Variants in GALNT9 observed in about 807,000 individuals in gnomAD.
The protein encoded by GALNT9 is polypeptide N-acetylgalactosaminyltransferase 9, also known as GalNAc transferase 9.
GALNT9 carries 47 observed loss-of-function variants against 63.1 expected under a neutral mutation model. The ratio of observed to expected loss-of-function variants is 0.75; its 90% confidence interval spans 0.59 to 0.95. The LOEUF is 0.95. Among genes scored for constraint, GALNT9 ranks in the 40% least tolerant of loss-of-function variants. The pLI is 0.00. For missense variants in GALNT9, 829 were observed against 874.8 expected (o/e 0.95, Z 0.66); for synonymous variants, 396 against 365.7 (o/e 1.08, Z -0.94).
Position 132,231,010 on chromosome 12 carries a change from GT to G in GALNT9, c.1077+16899del, listed in dbSNP as rs1593073737. On this transcript the variant is annotated intron_variant, in intron 6 of 10. Transcript: ENST00000328957. ...GGAGTGACAGAGGAGACAGCGTGGA[GT>G]CCCTAGTGCCACACACTCGATGGGG... Among the ~76,000 whole-genome samples the G allele has an allele frequency of 5.5e-3, 794 of 144,968 alleles. 9 individuals carry two copies. Among genetic ancestry groups the G allele is most frequent in the African/African-American group, 0.018 (711 of 39,502 alleles).
intron 6 of GALNT9, among the ~76,000 whole-genome samples, chr12:132,213,744 G>A (rs957318969): frequency 6.6e-6 from 1 of 152,248 alleles, no homozygotes. Flanking sequence ...GGCCCACTGT[G>A]GCCTCTGCAT....
In GALNT9 at chr12:132,262,674, C is replaced by T. The variant is rs917436267; in HGVS notation, c.420-49G>A. 3.0e-5 allele frequency: 44 copies of T among 1,452,596 alleles called. 2 individuals are homozygous for T. In the African/African-American group the frequency reaches 6.0e-4, roughly 20 times the overall value. 90.0% of individuals were successfully genotyped at this position (1,452,596 alleles called of 1,614,324 possible). On this transcript the variant is annotated intron_variant, in intron 2 of 10. Coordinates refer to ENST00000328957, the MANE Select transcript of GALNT9 (RefSeq NM_001122636.2). The stretch of plus-strand genomic sequence containing the variant: ...GCGGTCAGGGCGCAGCATGAGGGAC[C>T]CCGGAAGCCATAGCTCATCTGTCTG...
At chr12:132,292,480 C>T (rs909645932) in intron 1 of GALNT9, among the ~76,000 whole-genome samples, 15 of 152,366 alleles carry the variant, frequency 9.8e-5, no homozygotes, top group Admixed American at 3.9e-4. Flanking sequence ...TCTCTGACTC[C>T]CTCGAGGGCC....
At chr12:132,254,626 G>A (rs1879045796) in intron 5 of GALNT9, among the ~76,000 whole-genome samples, 2 of 152,242 alleles carry the variant, frequency 1.3e-5, no homozygotes, top group Non-Finnish European at 2.9e-5. Context: ...CCTCCAGGGT[G>A]AGTTTTGACA....
At chr12:132,283,757 C>CT (rs375713340) in intron 2 of GALNT9, 1 of 152,232 alleles carries the variant, frequency 6.6e-6, no homozygotes, top group Non-Finnish European at 1.5e-5. Context: ...GGACCCCCCC[C>CT]CAGGAGGGGA....
At chr12:132,312,639 T>C (rs1566022114) in intron 1 of GALNT9, among the ~76,000 whole-genome samples, 1 of 152,178 alleles carries the variant, frequency 6.6e-6, no homozygotes, top group Non-Finnish European at 1.5e-5. Context: ...AGCCCAGCCT[T>C]GAGGGTCAAA....
chr12:132,314,640 A>C (rs1335182564), intron 1 of GALNT9, among the ~76,000 whole-genome samples: 2 of 152,234 alleles, frequency 1.3e-5, no homozygotes, highest in African/African-American at 4.8e-5. Context: ...TGCACCTTAG[A>C]GAGCAGAGAG....
chr12:132,290,239 C>T (rs1379710065), intron 1 of GALNT9, among the ~76,000 whole-genome samples: 2 of 152,116 alleles, frequency 1.3e-5, no homozygotes, highest in Non-Finnish European at 2.9e-5. Flanking sequence ...GTGCCTGCCC[C>T]GTCTGCCCTC....
rs1555245937 is a variant in GALNT9 at position 132,319,281 on chromosome 12, A to G, written c.238+9685T>C. 2.0e-5 allele frequency among the ~76,000 whole-genome samples: 3 copies of G among 152,024 alleles called. No individual in the cohort carries two copies. The highest frequency in any genetic ancestry group is 4.4e-5 in the Non-Finnish European group (3 of 67,986). ...TCTGTCCTCCCCAGTGCAGACAGGG[A>G]TCAGCCCCTTCTCGGAGGCCCGGCT... On this transcript the variant is annotated intron_variant, in intron 1 of 10. Coordinates refer to ENST00000328957, the MANE Select transcript of GALNT9 (RefSeq NM_001122636.2). This position sits in a 1 kb window ranked among gnomAD's most constrained non-coding sequence, Gnocchi z 5.2.
chr12:132,314,668 C>T (rs549028867), intron 1 of GALNT9, among the ~76,000 whole-genome samples: 1 of 152,236 alleles, frequency 6.6e-6, no homozygotes, highest in African/African-American at 2.4e-5. Context: ...TGCTGCCCCC[C>T]TGCCTGACTG....
At chr12:132,281,319 T>C (rs991723556) in intron 2 of GALNT9, among the ~76,000 whole-genome samples, 40 of 152,170 alleles carry the variant, frequency 2.6e-4, no homozygotes, top group Admixed American at 7.2e-4. Context: ...CCTCAGAGAC[T>C]GTGGGCAGGG....
intron 6 of GALNT9, among the ~76,000 whole-genome samples, chr12:132,213,845 A>C (rs958886971): frequency 3.3e-5 from 5 of 152,254 alleles, no homozygotes; most frequent in Middle Eastern, 3.2e-3. Flanking sequence ...GCTGAAAGAA[A>C]GAGCCTCGAC....
rs77792686 is a variant in GALNT9, at chr12:132,268,618, C to A, written c.420-5993G>T. Among the ~76,000 whole-genome samples the A allele has an allele frequency of 1.5e-3, 222 of 152,314 alleles. 1 individual carries two copies. The highest frequency in any genetic ancestry group is 5.1e-3 in the African/African-American group (214 of 41,564). The stretch of plus-strand genomic sequence containing the variant: ...CAGGTGTAGAAAGCCAAGCCACAGC[C>A]GACTGGAGAAAATACTTTCAAAGCA... On this transcript the variant is annotated intron_variant, in intron 2 of 10. Coordinates refer to ENST00000328957, the MANE Select transcript of GALNT9 (RefSeq NM_001122636.2).
chr12:132,218,866 TCAAA>T (rs1429655609), intron 6 of GALNT9, among the ~76,000 whole-genome samples: 1 of 152,092 alleles, frequency 6.6e-6, no homozygotes, highest in Non-Finnish European at 1.5e-5. Flanking sequence ...ACTGAGCATC[TCAAA>T]CAAATGAGAG....
chr12:132,243,251 G>T (rs1878520719), intron 6 of GALNT9, among the ~76,000 whole-genome samples: 1 of 126,004 alleles, frequency 7.9e-6, no homozygotes, highest in Non-Finnish European at 1.6e-5. Flanking sequence ...CCTTCCCGGG[G>T]CCCTCCCTAT....
chr12:132,197,753 C>A, intron 10 of GALNT9, 39 bp downstream of exon 10: 1 of 1,329,508 alleles, frequency 7.5e-7, no homozygotes, highest in South Asian at 1.3e-5. Context: ...CAGCCCTGCC[C>A]CGCCCCAACC....
Position 132,262,318 on chromosome 12 carries a change from C to G in GALNT9, c.586+141G>C, listed in dbSNP as rs1555239847. 9 of 1,151,902 alleles carry G rather than the reference C, an allele frequency of 7.8e-6. No individual in the cohort carries two copies. In the East Asian group the frequency reaches 2.1e-4, roughly 27 times the overall value. The allele number at this position is 1,151,902 out of a possible 1,614,324, so 71.4% of individuals were successfully genotyped here. A position where few individuals can be genotyped will look rare whatever the true frequency, so the allele number is the denominator to read the frequency against. On this transcript the variant is annotated intron_variant, in intron 3 of 10. Transcript: ENST00000328957. ...GACAGAGGCTGGAAGGCAGGAGGGA[C>G]CCCCATAGGTTTAGAGCCCCTGCGG... is the stretch of plus-strand genomic sequence containing the variant.
At chr12:132,257,020 A>G (rs1879146963) in intron 5 of GALNT9, among the ~76,000 whole-genome samples, 1 of 152,134 alleles carries the variant, frequency 6.6e-6, no homozygotes, top group Admixed American at 6.5e-5. Flanking sequence ...GCAGCTGTCC[A>G]GGTGGTGGCT....
intron 6 of GALNT9, chr12:132,247,378 C>A (rs1555238065): frequency 5.8e-6 from 2 of 344,834 alleles, no homozygotes. Flanking sequence ...TGTGATTCTA[C>A]AAAATTTCTC....
Sources: allele counts gnomAD v4.1 joint callset (sites outside exome capture counted in the v4.1 genomes callset), GRCh38; gene constraint gnomAD v4.1.1; non-coding constraint Gnocchi (gnomAD v3.1); transcripts MANE v1.5; gene names NCBI Gene and HGNC (gene_info 2026-07-23, HGNC 2026-07-21).